DLG5: variants seen among roughly 807,000 people sequenced by gnomAD.
DLG5 encodes disks large homolog 5.
Under a neutral mutation model 189.8 loss-of-function variants are expected in DLG5, and 48 were observed. That is an observed-to-expected ratio of 0.25 (90% CI 0.20 to 0.32). DLG5 has a LOEUF of 0.32. Ranked by LOEUF, DLG5 falls within the 10% of genes least tolerant of loss-of-function variation. The probability of loss-of-function intolerance (pLI) is 1.00; values close to 1 mark genes in which losing one functional copy is unlikely to be tolerated. For missense variants in DLG5, 2,160 were observed against 2,544.7 expected, an observed-to-expected ratio of 0.85 and a Z score of 3.25; for synonymous variants, 1,016 against 1,054.1, an observed-to-expected ratio of 0.96 and a Z score of 0.70.
the DLG5 span, among the ~76,000 whole-genome samples, chr10:77,934,262 T>C: frequency 1.3e-5 from 2 of 149,580 alleles, no homozygotes; most frequent in African/African-American, 4.9e-5. Flanking sequence ...TCCCAGCTAC[T>C]TGGGAGGCTG....
chr10:77,932,012 G>A, the DLG5 span, among the ~76,000 whole-genome samples: 4 of 152,232 alleles, frequency 2.6e-5, no homozygotes. Flanking sequence ...GGCAACTCCT[G>A]TAGGTCAGAA....
intron 5 of DLG5, among the ~76,000 whole-genome samples, chr10:77,845,883 G>A (rs1408135873): frequency 7.0e-6 from 1 of 143,556 alleles, no homozygotes; most frequent in Non-Finnish European, 1.5e-5. Context: ...AATGCACACT[G>A]AGAAACAGAA....
intron 23 of DLG5, 94 bp downstream of exon 23, chr10:77,811,000 G>T: frequency 6.8e-7 from 1 of 1,480,646 alleles, no homozygotes; most frequent in South Asian, 1.3e-5. Context: ...AGCACATGAG[G>T]CCAGCTGCCC....
chr10:77,935,264 G>A, the DLG5 span, among the ~76,000 whole-genome samples: 3 of 151,952 alleles, frequency 2.0e-5, no homozygotes, highest in East Asian at 1.9e-4. Context: ...AAGAGACATC[G>A]ACTTGTTCAT....
intron 7 of DLG5, 84 bp from the exon 8 acceptor site, chr10:77,836,006 G>A (rs991156314): frequency 2.1e-5 from 30 of 1,435,536 alleles, no homozygotes; most frequent in Non-Finnish European, 2.8e-5. Context: ...GGGGGCCAAG[G>A]CTGAGGCTCT....
At chr10:77,823,080 C>T (rs1163773023) in intron 14 of DLG5, among the ~76,000 whole-genome samples, 2 of 152,144 alleles carry the variant, frequency 1.3e-5, no homozygotes, top group African/African-American at 2.4e-5. Context: ...CTAATGCATC[C>T]ACATTGGCTC....
At chr10:77,881,174 T>C (rs573515677) in intron 1 of DLG5, among the ~76,000 whole-genome samples, 7 of 152,134 alleles carry the variant, frequency 4.6e-5, no homozygotes, top group Admixed American at 3.3e-4. Context: ...GATTTCACCA[T>C]GTTGGCCAGG....
intron 5 of DLG5, chr10:77,846,698 A>G (rs761716287): frequency 2.2e-6 from 1 of 452,824 alleles, no homozygotes; most frequent in South Asian, 1.6e-5. Flanking sequence ...TTCTGTCTCA[A>G]AAAAAAAAAT....
At chr10:77,829,035 C>A in intron 12 of DLG5, 50 bp from the exon 13 acceptor site, 1 of 1,556,948 alleles carries the variant, frequency 6.4e-7, no homozygotes, top group Non-Finnish European at 8.8e-7. Flanking sequence ...GCTGCCCAGC[C>A]CTGGGTCACC....
the DLG5 span, among the ~76,000 whole-genome samples, chr10:77,938,903 A>G: frequency 1.6e-3 from 250 of 152,260 alleles, 2 homozygotes; most frequent in African/African-American, 5.6e-3. Context: ...AACTGCCCCT[A>G]TCAGGCCCGG....
upstream of DLG5, chr10:77,926,977 T>C (rs770474587): frequency 5.3e-6 from 2 of 374,622 alleles, no homozygotes; most frequent in South Asian, 3.6e-5. This position sits in a 1 kb window ranked among gnomAD's most constrained non-coding sequence, Gnocchi z 5.2. Flanking sequence ...CTGGGCCGTG[T>C]TTCCCAGGCT....
chr10:77,914,167 T>C (rs1046418770), intron 1 of DLG5, among the ~76,000 whole-genome samples: 4 of 152,190 alleles, frequency 2.6e-5, no homozygotes, highest in Non-Finnish European at 5.9e-5. Context: ...CTTAAAAATG[T>C]GGGCTTCAGG....
At chr10:77,930,536 C>A (rs988936444), upstream of DLG5, among the ~76,000 whole-genome samples, 10 of 151,148 alleles carry the variant, frequency 6.6e-5, no homozygotes, top group African/African-American at 2.4e-4. Context: ...TTAGTAGAGA[C>A]GGGGGTTTCT....
intron 31 of DLG5, chr10:77,792,781 T>C: frequency 4.0e-6 from 2 of 505,322 alleles, no homozygotes; most frequent in Non-Finnish European, 7.0e-6. Context: ...ACACCCTGGG[T>C]TGGGTTTGCA....
chr10:77,802,930 G>T lies in DLG5; in HGVS notation c.5164+2735C>A, dbSNP rs1420675386. On this transcript the variant is annotated intron_variant, in intron 27 of 31. Coordinates refer to ENST00000372391, the MANE Select transcript of DLG5 (RefSeq NM_004747.4). ...ATAAAATAATAAAAAAATAAAATGCGAATAGTATCAAAGTTAGAAAAGAGA... is the reference window on the plus strand; with the variant it reads ...ATAAAATAATAAAAAAATAAAATGCTAATAGTATCAAAGTTAGAAAAGAGA... Among the ~76,000 whole-genome samples, 3 of 152,028 alleles carry T rather than the reference G, an allele frequency of 2.0e-5. No individual in the cohort carries two copies. In the South Asian group the frequency reaches 6.2e-4, roughly 32 times the overall value.
chr10:77,928,262 A>T (rs1846751035), upstream of DLG5: 1 of 152,216 alleles, frequency 6.6e-6, no homozygotes, highest in Non-Finnish European at 1.5e-5. Context: ...AAGCTCAAGG[A>T]TGTCAATGAA....
chr10:77,806,734 A>AC, intron 26 of DLG5, 24 bp downstream of exon 26: 8 of 751,094 alleles, frequency 1.1e-5, no homozygotes, highest in Middle Eastern at 3.0e-4. Flanking sequence ...GCCCCACCCC[A>AC]CCCCAGGCCC....
chr10:77,805,722 C>G lies in DLG5; in HGVS notation c.5107G>C (p.Gly1703Arg). 6.2e-7 allele frequency: 1 copy of G among 1,614,106 alleles called. No individual in the cohort carries two copies. The highest frequency in any genetic ancestry group is 8.5e-7 in the Non-Finnish European group (1 of 1,180,008). Residue 1703 changes from glycine (G) to arginine (R), a missense_variant, in exon 27 of 32, where the codon GGG (glycine) becomes CGG (arginine). Coordinates refer to ENST00000372391, the MANE Select transcript of DLG5 (RefSeq NM_004747.4). The part of the protein sequence containing the change: ...HKHKRSGSKD[G>R]KDLLALDAFS... The stretch of plus-strand genomic sequence containing the variant: ...GCATCCAAGGCGAGCAGGTCTTTCC[C>G]GTCCTTGGACCCGCTGCGTTTGTGC...
chr10:77,862,397 C>T (rs1844506497), intron 2 of DLG5, among the ~76,000 whole-genome samples: 1 of 152,198 alleles, frequency 6.6e-6, no homozygotes, highest in Admixed American at 6.5e-5. Flanking sequence ...CATGAAGTTC[C>T]TTTACCACCA....
Sources: gnomAD v4.1 joint callset for allele counts (sites outside exome capture counted in the v4.1 genomes callset) on GRCh38, gnomAD v4.1.1 for gene constraint, Gnocchi (gnomAD v3.1) non-coding constraint, MANE v1.5 for transcripts, NCBI Gene and HGNC (gene_info 2026-07-23, HGNC 2026-07-21) for gene names.